The following EDRF1 variants were observed in gnomAD, a reference collection of about 807,000 sequenced individuals.
EDRF1 encodes the protein erythroid differentiation regulatory factor 1.
Under a neutral mutation model 148.7 loss-of-function variants are expected in EDRF1, and 69 were observed. The observed-to-expected ratio is 0.46, with a 90% CI of 0.38 to 0.57. The LOEUF is 0.57. Ranked by LOEUF, EDRF1 falls within the 20% of genes least tolerant of loss-of-function variation. EDRF1 has a pLI of 0.00. For missense variants in EDRF1, 1,118 were observed against 1,478.7 expected (o/e 0.76, Z 4.00); for synonymous variants, 515 against 532.8 (o/e 0.97, Z 0.46).
intron 18 of EDRF1, 126 bp from the exon 19 acceptor site, chr10:125,745,581 C>A: frequency 1.1e-6 from 1 of 901,876 alleles, no homozygotes. Context: ...CCGTGGTTGA[C>A]TGCAGGTGAC....
chr10:125,757,994 C>T (rs945738912), intron 24 of EDRF1, among the ~76,000 whole-genome samples: 1 of 152,176 alleles, frequency 6.6e-6, no homozygotes, highest in Non-Finnish European at 1.5e-5. Flanking sequence ...TGATGTTATT[C>T]CACAGCTCTT....
In EDRF1 at chr10:125,734,040, G is replaced by A. The variant is rs544634521; in HGVS notation, c.1386-32G>A. 23 of 1,519,098 alleles carry A rather than the reference G, an allele frequency of 1.5e-5. No individual in the cohort carries two copies. The South Asian group carries it at 2.4e-4, about 16-fold the overall frequency. The allele number at this position is 1,519,098 out of a possible 1,614,324, so 94.1% of individuals were successfully genotyped here. On this transcript the variant is annotated intron_variant, in intron 11 of 24. Coordinates refer to ENST00000356792, the MANE Select transcript of EDRF1 (RefSeq NM_001202438.2). Reference sequence around the variant, plus strand: ...GAGTCTTGCAGACAACGATGAAATGGGCAGTAAAGTTGATATAAACTCTTT... The same window carrying A: ...GAGTCTTGCAGACAACGATGAAATGAGCAGTAAAGTTGATATAAACTCTTT...
rs758268689 is a variant in EDRF1 at position 125,738,288 on chromosome 10, T to A, written c.1831-7T>A. The A allele has an allele frequency of 1.2e-6, 2 of 1,614,078 alleles. No homozygotes were observed. Among genetic ancestry groups the A allele is most frequent in the East Asian group, 4.5e-5 (2 of 44,880 alleles). ...ATAGATAGTGAATGCTTTTCCTTTT[T>A]TTGCAGGGTTTAAAATCTGTCGATA... On this transcript the variant is annotated splice_polypyrimidine_tract_variant and splice_region_variant and intron_variant, in intron 14 of 24. Transcript: ENST00000356792.
chr10:125,739,484 T>G (rs1848904148), intron 15 of EDRF1, among the ~76,000 whole-genome samples: 2 of 152,198 alleles, frequency 1.3e-5, no homozygotes, highest in Non-Finnish European at 2.9e-5. Context: ...TATGTCAGAG[T>G]TCCAGCATTA....
chr10:125,722,942 T>A (rs1848077175), intron 2 of EDRF1, 126 bp from the exon 3 acceptor site: 4 of 861,996 alleles, frequency 4.6e-6, no homozygotes, highest in Non-Finnish European at 8.0e-6. Context: ...ACATCCTGGT[T>A]TCAGAGTTGT....
At chr10:125,719,972 A>C in intron 1 of EDRF1, 57 bp downstream of exon 1, 3 of 1,493,848 alleles carry the variant, frequency 2.0e-6, no homozygotes, top group Non-Finnish European at 2.8e-6. Flanking sequence ...GACCCGCTCC[A>C]CCGGGGAGGG....
At chr10:125,728,967 C>A in intron 6 of EDRF1, 36 bp from the exon 7 acceptor site, 1 of 1,483,430 alleles carries the variant, frequency 6.7e-7, no homozygotes, top group Non-Finnish European at 9.0e-7. Flanking sequence ...GAAATGTTGA[C>A]AGCAGAATCA....
At chr10:125,749,594 T>G (rs765618917) in intron 22 of EDRF1, 29 bp downstream of exon 22, 10 of 1,611,436 alleles carry the variant, frequency 6.2e-6, no homozygotes, top group Non-Finnish European at 8.5e-6. Context: ...TTCTCAGATA[T>G]GTATGCATTG....
At chr10:125,751,923 G>A (rs1849663681) in intron 22 of EDRF1, 2 of 152,294 alleles carry the variant, frequency 1.3e-5, no homozygotes, top group African/African-American at 4.8e-5. Context: ...CACCCCGGCA[G>A]TGATGCATGA....
intron 24 of EDRF1, among the ~76,000 whole-genome samples, chr10:125,757,899 T>C (rs1426897331): frequency 2.6e-5 from 4 of 152,242 alleles, no homozygotes; most frequent in African/African-American, 9.6e-5. Flanking sequence ...TCGTGATGGC[T>C]TTTACCTCTG....
chr10:125,731,544 T>C (rs1305418406), intron 9 of EDRF1, among the ~76,000 whole-genome samples: 1 of 152,216 alleles, frequency 6.6e-6, no homozygotes, highest in Admixed American at 6.5e-5. Context: ...GGTCAAATGA[T>C]GGAGATCTTA....
rs754700675 is a variant in EDRF1, at chr10:125,733,649, A to G, written c.1291A>G (p.Ile431Val). 6 of 1,613,424 alleles carry G rather than the reference A, an allele frequency of 3.7e-6. No homozygotes were observed. The South Asian group carries it at 4.4e-5, about 12-fold the overall frequency. ...YWLFKASGSD[I>V]VKLYDLTTLC... Reference sequence around the variant, plus strand: ...TTTCTTTTCAGCAAGTGGCAGCGATATAGTGAAGCTCTATGACCTCACTAC... The same window carrying G: ...TTTCTTTTCAGCAAGTGGCAGCGATGTAGTGAAGCTCTATGACCTCACTAC... Residue 431 changes from isoleucine to valine, a missense_variant, in exon 11 of 25, where the codon ATA becomes GTA. By Grantham distance (29) the Ile-to-Val change is conservative (BLOSUM62 3). Transcript: ENST00000356792.
In EDRF1 at chr10:125,719,909, T is replaced by G; in HGVS notation, c.102T>G (p.Ser34=). The change falls in exon 1 of 25, where the codon TCT becomes TCG. Residue 34 remains serine, a synonymous_variant. Transcript: ENST00000356792. The part of the protein sequence containing the change: ...LLSQGESEES[S]AQGSALFLGG... ...CCCAGGGAGAATCCGAGGAATCTTC[T>G]GCACAGGTGAGTCCTCCGCGGAGGG... is the stretch of plus-strand genomic sequence containing the variant. The G allele has an allele frequency of 6.2e-7, 1 of 1,612,946 alleles. No individual in the cohort carries two copies. Among genetic ancestry groups the G allele is most frequent in the Non-Finnish European group, 8.5e-7 (1 of 1,179,700 alleles).
intron 6 of EDRF1, 126 bp downstream of exon 6, chr10:125,725,964 A>G (rs754587578): frequency 8.9e-5 from 95 of 1,064,646 alleles, no homozygotes; most frequent in Admixed American, 7.6e-4. Context: ...GAATGGGGGA[A>G]AAAAGACTTC....
At position 125,740,438 on chromosome 10, in the gene EDRF1, C is replaced by T. The variant is rs533371106; in HGVS notation, c.1982-25C>T. 5.5e-5 allele frequency: 88 copies of T among 1,596,926 alleles called. No homozygotes were observed. In the South Asian group the frequency reaches 9.2e-4, roughly 17 times the overall value. On this transcript the variant is annotated intron_variant, in intron 15 of 24. Coordinates refer to ENST00000356792, the MANE Select transcript of EDRF1 (RefSeq NM_001202438.2). ...CTTACAGTCAAATGAAATGTGCTGT[C>T]TTTTTTTTTCTCTCCATGTCACAGT...
chr10:125,726,972 C>T (rs145338052), intron 6 of EDRF1, among the ~76,000 whole-genome samples: 6 of 152,072 alleles, frequency 3.9e-5, no homozygotes, highest in African/African-American at 1.4e-4. Flanking sequence ...TGTAGACTTG[C>T]GTGTTGAGGA....
At chr10:125,740,909 T>A in intron 16 of EDRF1, 92 bp from the exon 17 acceptor site, 1 of 1,315,428 alleles carries the variant, frequency 7.6e-7, no homozygotes. Context: ...CTACAAAGCG[T>A]TCAGCTGGTA....
intron 9 of EDRF1, 121 bp downstream of exon 9, chr10:125,730,520 A>G (rs1173499453): frequency 2.6e-6 from 2 of 764,010 alleles, no homozygotes; most frequent in East Asian, 2.6e-5. Context: ...ATAGCTGTGA[A>G]TAAACTGAAT....
chr10:125,723,785 A>G, intron 3 of EDRF1, 26 bp from the exon 4 acceptor site: 1 of 1,604,090 alleles, frequency 6.2e-7, no homozygotes, highest in Non-Finnish European at 8.5e-7. Flanking sequence ...GTCTTTCTAA[A>G]CTATTTTTTC....
Sources: allele counts gnomAD v4.1 joint callset (sites outside exome capture counted in the v4.1 genomes callset), GRCh38; gene constraint gnomAD v4.1.1; transcripts MANE v1.5; gene names NCBI Gene and HGNC (gene_info 2026-07-23, HGNC 2026-07-21).